Variants in CACNA1D observed in about 807,000 individuals in gnomAD.
CACNA1D encodes the protein voltage-dependent L-type calcium channel subunit alpha-1D.
A neutral mutation model predicts 257.1 loss-of-function variants in CACNA1D; 55 were observed. That is an observed-to-expected ratio of 0.21 (90% CI 0.17 to 0.27). The LOEUF (loss-of-function observed/expected upper bound fraction) is 0.27, where lower values mean the gene tolerates loss of function less well. Among genes scored for constraint, CACNA1D ranks in the 10% least tolerant of loss-of-function variants. CACNA1D has a pLI of 1.00. For synonymous variants in CACNA1D, 980 were observed against 1,014.9 expected (o/e 0.97, Z 0.65); for missense variants, 1,876 against 2,784.0 (o/e 0.67, Z 7.34).
chr3:53,764,934 A>T (rs1368497819), intron 30 of CACNA1D, among the ~76,000 whole-genome samples: 1 of 152,142 alleles, frequency 6.6e-6, no homozygotes, highest in Non-Finnish European at 1.5e-5. Context: ...CTGAGACCAG[A>T]TATATTCCTC....
Position 53,676,524 on chromosome 3 carries a change from G to A in CACNA1D, c.1220+3398G>A, listed in dbSNP as rs537961981. Among the ~76,000 whole-genome samples the A allele has an allele frequency of 7.9e-5, 12 of 152,312 alleles. No individual in the cohort carries two copies. The South Asian group carries it at 1.7e-3, about 21-fold the overall frequency. ...GACCAACACAAATGTAATCCGCTAAGCACTGAATTAAAACGCCCTCATTTT... is the reference window on the plus strand; with the variant it reads ...GACCAACACAAATGTAATCCGCTAAACACTGAATTAAAACGCCCTCATTTT... On this transcript the variant is annotated intron_variant, in intron 8 of 47. Transcript: ENST00000350061.
At chr3:53,810,869 A>G (rs2095597085) in intron 47 of CACNA1D, among the ~76,000 whole-genome samples, 1 of 149,692 alleles carries the variant, frequency 6.7e-6, no homozygotes, top group Non-Finnish European at 1.5e-5. Context: ...TTTCTAGTTT[A>G]TACTAAATGT....
intron 21 of CACNA1D, 140 bp downstream of exon 21, chr3:53,740,479 G>A: frequency 1.4e-6 from 1 of 717,334 alleles, no homozygotes; most frequent in South Asian, 1.4e-5. Context: ...CATTTTAAAG[G>A]TAACAGGTTA....
intron 3 of CACNA1D, among the ~76,000 whole-genome samples, chr3:53,541,892 A>G (rs2092307057): frequency 1.3e-5 from 2 of 152,232 alleles, no homozygotes; most frequent in African/African-American, 2.4e-5. Flanking sequence ...AGCTGAGACA[A>G]TCACAAAAGA....
intron 4 of CACNA1D, among the ~76,000 whole-genome samples, chr3:53,658,269 C>A (rs368049863): frequency 6.6e-6 from 1 of 151,548 alleles, no homozygotes; most frequent in Admixed American, 6.6e-5. Flanking sequence ...TTCTCTGAGT[C>A]GTTAAATCCA....
chr3:53,559,724 A>C (rs1241521549), intron 3 of CACNA1D, among the ~76,000 whole-genome samples: 1 of 152,154 alleles, frequency 6.6e-6, no homozygotes, highest in Admixed American at 6.5e-5. Flanking sequence ...TTTGTGATGT[A>C]ACTCTCTTGA....
intron 9 of CACNA1D, among the ~76,000 whole-genome samples, chr3:53,713,109 G>A (rs1201266035): frequency 6.6e-6 from 1 of 152,184 alleles, no homozygotes; most frequent in East Asian, 1.9e-4. Flanking sequence ...AGGGTGGTGG[G>A]CAGGGGCTCA....
chr3:53,714,122 T>C (rs2094793046), intron 9 of CACNA1D, among the ~76,000 whole-genome samples: 1 of 152,188 alleles, frequency 6.6e-6, no homozygotes, highest in African/African-American at 2.4e-5. Context: ...ATATAAAAAA[T>C]AAACTTCTCT....
intron 17 of CACNA1D, among the ~76,000 whole-genome samples, 182 bp from the exon 18 acceptor site, chr3:53,731,834 C>G (rs932569976): frequency 6.6e-6 from 1 of 152,260 alleles, no homozygotes; most frequent in African/African-American, 2.4e-5. Flanking sequence ...CACCTGCCCT[C>G]AGGCCTTCTG....
rs146665539 is a variant in CACNA1D, at chr3:53,761,944, T to C, written c.3787-54T>C. On this transcript the variant is annotated intron_variant, in intron 29 of 47. Coordinates refer to ENST00000350061, the MANE Select transcript of CACNA1D (RefSeq NM_001128840.3). ...CGGATTCGCCCCTATACGGTCCGTG[T>C]GGTGGGTCATTCATACATGCTCATA... 4.0e-6 allele frequency: 5 copies of C among 1,242,958 alleles called. No individual in the cohort carries two copies. In the African/African-American group the frequency reaches 4.4e-5, roughly 11 times the overall value. The allele number at this position is 1,242,958 out of a possible 1,614,324, so 77.0% of individuals were successfully genotyped here. A position where few individuals can be genotyped will look rare whatever the true frequency, so the allele number is the denominator to read the frequency against.
At chr3:53,606,746 CTG>C (rs2093515852) in intron 3 of CACNA1D, among the ~76,000 whole-genome samples, 1 of 152,224 alleles carries the variant, frequency 6.6e-6, no homozygotes, top group African/African-American at 2.4e-5. Flanking sequence ...TATATACACT[CTG>C]TAACTACCAA....
Position 53,795,318 on chromosome 3 carries a change from G to A in CACNA1D, c.4924-4931G>A, listed in dbSNP as rs116524089. The stretch of plus-strand genomic sequence containing the variant: ...TCAAAAGAGGGTTAGCCTTGATCAG[G>A]TGGCACCCCACAGTCGTGACTATAG... On this transcript the variant is annotated intron_variant, in intron 40 of 47. Transcript: ENST00000350061. Among the ~76,000 whole-genome samples, 1,017 of 152,316 alleles carry A rather than the reference G, an allele frequency of 6.7e-3. 11 individuals are homozygous for A. Among genetic ancestry groups the A allele is most frequent in the African/African-American group, 0.023 (942 of 41,562 alleles).
intron 9 of CACNA1D, among the ~76,000 whole-genome samples, chr3:53,704,803 T>C (rs1057190047): frequency 6.6e-6 from 1 of 152,240 alleles, no homozygotes; most frequent in African/African-American, 2.4e-5. Context: ...CTAGTTTAGC[T>C]GTGTCCCCCA....
At chr3:53,550,570 G>A (rs1410857638) in intron 3 of CACNA1D, among the ~76,000 whole-genome samples, 1 of 152,162 alleles carries the variant, frequency 6.6e-6, no homozygotes, top group Non-Finnish European at 1.5e-5. Flanking sequence ...AAGATTCTCC[G>A]TGGGTGTGCA....
rs555132426 is a variant in CACNA1D, at chr3:53,716,437, C to T, written c.1391-1864C>T. ...GATTTTCTTTGTTGGATTTAACAAC[C>T]TCCTCACCTTTCTGCTGAATCAGAG... On this transcript the variant is annotated intron_variant, in intron 9 of 47. Coordinates refer to ENST00000350061, the MANE Select transcript of CACNA1D (RefSeq NM_001128840.3). Among the ~76,000 whole-genome samples the T allele has an allele frequency of 2.4e-4, 37 of 152,342 alleles. No individual in the cohort carries two copies. In the South Asian group the frequency reaches 7.5e-3, roughly 31 times the overall value.
At chr3:53,549,725 A>G (rs1367231519) in intron 3 of CACNA1D, among the ~76,000 whole-genome samples, 1 of 152,236 alleles carries the variant, frequency 6.6e-6, no homozygotes, top group South Asian at 2.1e-4. Flanking sequence ...ATATTTAAAA[A>G]CAATTAAAAT....
intron 3 of CACNA1D, among the ~76,000 whole-genome samples, chr3:53,507,072 CAAAA>C (rs781421977): frequency 3.5e-5 from 2 of 56,706 alleles, no homozygotes; most frequent in African/African-American, 6.6e-5. Flanking sequence ...GACTCTATCT[CAAAA>C]AAAAAAAAAA....
intron 17 of CACNA1D, 69 bp from the exon 18 acceptor site, chr3:53,731,947 G>T: frequency 4.0e-6 from 4 of 991,160 alleles, no homozygotes; most frequent in Non-Finnish European, 6.5e-6. Context: ...GACCACCAGG[G>T]TGACTTTTCC....
intron 3 of CACNA1D, among the ~76,000 whole-genome samples, chr3:53,641,311 G>A (rs562847616): frequency 2.6e-5 from 4 of 152,250 alleles, no homozygotes; most frequent in Admixed American, 1.3e-4. Flanking sequence ...GACACGATTA[G>A]CTGCTCCATC....
Sources: gnomAD v4.1 joint callset for allele counts (sites outside exome capture counted in the v4.1 genomes callset) on GRCh38, gnomAD v4.1.1 for gene constraint, MANE v1.5 for transcripts, NCBI Gene and HGNC (gene_info 2026-07-23, HGNC 2026-07-21) for gene names.